Variants in UGT1A4 observed in about 807,000 individuals in gnomAD.
UGT1A4 encodes UDP glucuronosyltransferase family 1 member A4, also known as UDP-glucuronosyltransferase 1A4.
Under a neutral mutation model 41.1 loss-of-function variants are expected in UGT1A4, and 32 were observed. The ratio of observed to expected loss-of-function variants is 0.78; its 90% CI spans 0.59 to 1.05. The LOEUF (loss-of-function observed/expected upper bound fraction) is 1.05, where lower values mean the gene tolerates loss of function less well. Ranked by LOEUF, UGT1A4 falls within the 50% of genes least tolerant of loss-of-function variation. The pLI, the probability that UGT1A4 is intolerant of heterozygous loss-of-function variation, is 0.00. For missense variants in UGT1A4, 748 were observed against 677.4 expected (o/e 1.10, Z -1.16); for synonymous variants, 283 against 265.1 (o/e 1.07, Z -0.66).
At chr2:233,761,164 G>C in intron 1 of UGT1A4, 2 of 1,614,240 alleles carry the variant, frequency 1.2e-6, no homozygotes, top group South Asian at 1.1e-5. Flanking sequence ...GTGTATTGGA[G>C]TGGGACTTTT....
chr2:233,740,994 G>A (rs1691532942), intron 1 of UGT1A4: 1 of 151,722 alleles, frequency 6.6e-6, no homozygotes, highest in African/African-American at 2.4e-5. Flanking sequence ...TGCTGAGGAG[G>A]AAGGATCACT....
chr2:233,758,811 C>A (rs371004333), intron 1 of UGT1A4, among the ~76,000 whole-genome samples: 1 of 152,184 alleles, frequency 6.6e-6, no homozygotes, highest in East Asian at 1.9e-4. Flanking sequence ...TATAGTACAG[C>A]AGTATATCCC....
intron 1 of UGT1A4, among the ~76,000 whole-genome samples, chr2:233,736,521 CAA>C (rs1208875271): frequency 6.6e-6 from 1 of 152,210 alleles, no homozygotes; most frequent in Non-Finnish European, 1.5e-5. Flanking sequence ...GTCAACTCGT[CAA>C]AGTCATTCTC....
Position 233,743,942 on chromosome 2 carries a change from G to A in UGT1A4, c.868-23092G>A, listed in dbSNP as rs1297528257. On this transcript the variant is annotated intron_variant, in intron 1 of 4. Coordinates refer to ENST00000373409, the MANE Select transcript of UGT1A4 (RefSeq NM_007120.3). ...GCTGGATGGCCAGAACGGCCCACCA[G>A]GCACTGGCACAGCGAGCGGCAAGGC... 3 of 1,352,602 alleles carry A rather than the reference G, an allele frequency of 2.2e-6. No individual in the cohort carries two copies. The African/African-American group carries it at 4.5e-5, about 20-fold the overall frequency. The allele number at this position is 1,352,602 out of a possible 1,614,324, so 83.8% of individuals were successfully genotyped here.
At position 233,769,594 on chromosome 2, in the gene UGT1A4, G is replaced by T; in HGVS notation, c.1307+1155G>T. 1 of 1,612,864 alleles carries T rather than the reference G, an allele frequency of 6.2e-7. No homozygotes were observed. Among genetic ancestry groups the T allele is most frequent in the South Asian group, 1.1e-5 (1 of 91,060 alleles). ...GAGCATGTTCAGATGAGAGGAGACG[G>T]AACACGGGGACACACCAGCTTGAGC... On this transcript the variant is annotated intron_variant, in intron 4 of 4. Coordinates refer to ENST00000373409, the MANE Select transcript of UGT1A4 (RefSeq NM_007120.3). This position sits in a 1 kb window ranked among gnomAD's most constrained non-coding sequence, Gnocchi z 4.4.
At chr2:233,757,245 G>C (rs113985508) in intron 1 of UGT1A4, among the ~76,000 whole-genome samples, 3 of 149,596 alleles carry the variant, frequency 2.0e-5, no homozygotes, top group African/African-American at 7.4e-5. Context: ...GTGGTGAGGT[G>C]GGGTTATTCA....
rs1367170822 is a variant in UGT1A4 at position 233,772,461 on chromosome 2, GT to G, written c.1508del (p.Val503GlyfsTer43). The G allele has an allele frequency of 6.2e-7, 1 of 1,614,184 alleles. No individual in the cohort carries two copies. Among genetic ancestry groups the G allele is most frequent in the Non-Finnish European group, 8.5e-7 (1 of 1,180,040 alleles). On this transcript the variant is annotated frameshift_variant, in exon 5 of 5. Coordinates refer to ENST00000373409, the MANE Select transcript of UGT1A4 (RefSeq NM_007120.3). LOFTEE classifies it high-confidence loss of function. The stretch of plus-strand genomic sequence containing the variant: ...TTTCCTCTTGGCCGTCGTGCTGACA[GT>G]GGCCTTCATCACCTTTAAATGTTGT... ...IGFLLAVVLT[V>X]AFITFKCCAY...
At chr2:233,720,329 A>G (rs2076851533) in intron 1 of UGT1A4, among the ~76,000 whole-genome samples, 1 of 152,074 alleles carries the variant, frequency 6.6e-6, no homozygotes, top group Admixed American at 6.5e-5. Flanking sequence ...GACATCGTAG[A>G]GTTTGGAAGG....
intron 1 of UGT1A4, among the ~76,000 whole-genome samples, chr2:233,751,459 G>C (rs1297643220): frequency 6.6e-6 from 1 of 152,208 alleles, no homozygotes; most frequent in Non-Finnish European, 1.5e-5. Context: ...TTGTTGGGAA[G>C]GCACGATTGG....
chr2:233,771,969 G>T (rs1040138861), intron 4 of UGT1A4, among the ~76,000 whole-genome samples: 1 of 152,096 alleles, frequency 6.6e-6, no homozygotes, highest in Non-Finnish European at 1.5e-5. Context: ...TTAAAAATTG[G>T]CCAGACATAG....
intron 1 of UGT1A4, chr2:233,742,967 A>G (rs764495397): frequency 2.3e-5 from 5 of 219,774 alleles, no homozygotes; most frequent in African/African-American, 4.7e-5. Context: ...TGTCTGCCTC[A>G]GGCTTAAGTT....
chr2:233,747,449 C>G (rs1200553651), intron 1 of UGT1A4: 3 of 1,608,916 alleles, frequency 1.9e-6, no homozygotes, highest in Non-Finnish European at 2.6e-6. Flanking sequence ...CCCTGACAAC[C>G]TATGCCATTT....
rs1434418426 is a variant in UGT1A4 at position 233,747,592 on chromosome 2, C to T, written c.868-19442C>T. On this transcript the variant is annotated intron_variant, in intron 1 of 4. Coordinates refer to ENST00000373409, the MANE Select transcript of UGT1A4 (RefSeq NM_007120.3). Reference sequence around the variant, plus strand: ...AATTCATCTTTGGTCTTTCATAGGTCTTGTGTGGAGCTACTGCATAATGAG... The same window carrying T: ...AATTCATCTTTGGTCTTTCATAGGTTTTGTGTGGAGCTACTGCATAATGAG... The T allele has an allele frequency of 5.7e-6, 9 of 1,575,532 alleles. No individual in the cohort carries two copies. The South Asian group carries it at 8.9e-5, about 16-fold the overall frequency.
intron 1 of UGT1A4, among the ~76,000 whole-genome samples, chr2:233,739,970 G>A (rs887253377): frequency 6.6e-5 from 10 of 151,810 alleles, no homozygotes; most frequent in Admixed American, 4.6e-4. Flanking sequence ...GAATCATATC[G>A]GCAGTTTTCC....
chr2:233,751,263 C>A (rs1694683349), intron 1 of UGT1A4, among the ~76,000 whole-genome samples: 1 of 151,922 alleles, frequency 6.6e-6, no homozygotes, highest in African/African-American at 2.4e-5. Context: ...CCTGTAGCCC[C>A]CTTTTTTTGG....
intron 3 of UGT1A4, 130 bp from the exon 4 acceptor site, chr2:233,768,090 T>A (rs887845025): frequency 1.1e-5 from 18 of 1,591,432 alleles, no homozygotes; most frequent in Non-Finnish European, 1.5e-5. Flanking sequence ...CAACCCACAT[T>A]TTCTTCTGCA....
intron 1 of UGT1A4, among the ~76,000 whole-genome samples, chr2:233,730,806 G>A (rs374048907): frequency 3.9e-5 from 6 of 152,118 alleles, no homozygotes; most frequent in Admixed American, 6.5e-5. Context: ...ATGGACATGC[G>A]TCCAAGAAGG....
intron 1 of UGT1A4, among the ~76,000 whole-genome samples, chr2:233,733,605 C>T (rs2125780479): frequency 6.6e-6 from 1 of 152,304 alleles, no homozygotes; most frequent in East Asian, 1.9e-4. Flanking sequence ...TGATGGATTA[C>T]ATTTATTGAT....
At chr2:233,747,937 A>G in intron 1 of UGT1A4, 1 of 1,613,182 alleles carries the variant, frequency 6.2e-7, no homozygotes, top group Non-Finnish European at 8.5e-7. Context: ...TTTCAGAGGG[A>G]GGTGTCAGTG....
Sources: allele counts gnomAD v4.1 joint callset (sites outside exome capture counted in the v4.1 genomes callset), GRCh38; gene constraint gnomAD v4.1.1; non-coding constraint Gnocchi (gnomAD v3.1); transcripts MANE v1.5; gene names NCBI Gene and HGNC (gene_info 2026-07-23, HGNC 2026-07-21).